The following CRPPA variants were observed in gnomAD, a reference collection of about 807,000 sequenced individuals.
CRPPA encodes CDP-L-ribitol pyrophosphorylase A.
A neutral mutation model predicts 52.0 loss-of-function variants in CRPPA; 43 were observed. The observed-to-expected ratio is 0.83, with a 90% CI of 0.65 to 1.07. The LOEUF (loss-of-function observed/expected upper bound fraction) is 1.07, where lower values mean the gene tolerates loss of function less well. Among genes scored for constraint, CRPPA ranks in the 50% least tolerant of loss-of-function variants. The probability of loss-of-function intolerance (pLI) is 0.00; values close to 1 mark genes in which losing one functional copy is unlikely to be tolerated. For synonymous variants in CRPPA, 250 were observed against 203.5 expected, an observed-to-expected ratio of 1.23 and a Z score of -1.94; for missense variants, 629 against 551.7, an observed-to-expected ratio of 1.14 and a Z score of -1.40.
chr7:16,171,244 T>C (rs1781179287), intron 9 of CRPPA, among the ~76,000 whole-genome samples: 2 of 152,370 alleles, frequency 1.3e-5, no homozygotes, highest in Non-Finnish European at 2.9e-5. Context: ...CAACCTTTTA[T>C]GTAACTCAAC....
intron 9 of CRPPA, among the ~76,000 whole-genome samples, chr7:16,161,199 G>A (rs990100405): frequency 6.6e-6 from 1 of 151,998 alleles, no homozygotes; most frequent in African/African-American, 2.4e-5. Flanking sequence ...TCTTTGCCCT[G>A]GCCAGAACTT....
chr7:16,103,651 T>C (rs766945823), intron 9 of CRPPA, among the ~76,000 whole-genome samples: 2 of 152,138 alleles, frequency 1.3e-5, no homozygotes, highest in Non-Finnish European at 2.9e-5. Flanking sequence ...GATAAATCTA[T>C]ACTAACACAC....
chr7:16,226,442 T>G (rs182416353), intron 8 of CRPPA, among the ~76,000 whole-genome samples: 4 of 150,684 alleles, frequency 2.7e-5, no homozygotes, highest in African/African-American at 7.3e-5. Flanking sequence ...TTGAACAGAT[T>G]TTTTTTTCCA....
intron 2 of CRPPA, among the ~76,000 whole-genome samples, chr7:16,388,876 A>G (rs987019378): frequency 6.6e-6 from 1 of 152,162 alleles, no homozygotes; most frequent in Non-Finnish European, 1.5e-5. Flanking sequence ...ACTCCATCTC[A>G]AACCAACAAA....
chr7:16,294,269 G>A (rs1195349615), intron 5 of CRPPA, among the ~76,000 whole-genome samples: 1 of 151,862 alleles, frequency 6.6e-6, no homozygotes, highest in Admixed American at 6.6e-5. Context: ...AGAGTGAAGT[G>A]TCAGTGGCTG....
At chr7:16,180,237 G>A (rs1781382665) in intron 9 of CRPPA, among the ~76,000 whole-genome samples, 1 of 151,988 alleles carries the variant, frequency 6.6e-6, no homozygotes, top group Admixed American at 6.6e-5. Context: ...TTTGTGGTGG[G>A]ACCCAGGCAT....
chr7:16,399,459 A>T (rs1175324442), intron 2 of CRPPA, among the ~76,000 whole-genome samples: 1 of 152,040 alleles, frequency 6.6e-6, no homozygotes, highest in African/African-American at 2.4e-5. Flanking sequence ...CATGTGACTG[A>T]TACGAGATTG....
chr7:16,289,402 A>G (rs542876389), intron 5 of CRPPA, among the ~76,000 whole-genome samples: 26 of 152,194 alleles, frequency 1.7e-4, no homozygotes, highest in African/African-American at 6.0e-4. Context: ...AATACAACAT[A>G]AAAATAAAGC....
chr7:16,320,349 G>A (rs1034688214), intron 3 of CRPPA, among the ~76,000 whole-genome samples: 2 of 152,054 alleles, frequency 1.3e-5, no homozygotes, highest in Non-Finnish European at 1.5e-5. Flanking sequence ...AAATGAATAT[G>A]ACTCAGAGGG....
At chr7:16,298,560 A>T (rs1370591804) in intron 5 of CRPPA, among the ~76,000 whole-genome samples, 2 of 152,228 alleles carry the variant, frequency 1.3e-5, no homozygotes, top group Non-Finnish European at 1.5e-5. Context: ...GTAAGTGCCC[A>T]ATTAATGCTG....
rs921750871 is a variant in CRPPA, at chr7:16,147,917, C to T, written c.1252-56118G>A. Among the ~76,000 whole-genome samples the T allele has an allele frequency of 3.3e-5, 5 of 152,186 alleles. No homozygotes were observed. The East Asian group carries it at 9.7e-4, about 29-fold the overall frequency. The stretch of plus-strand genomic sequence containing the variant: ...ATACAATGATGATTTGGTTCCTACC[C>T]TCATTCTTACAACTTGTAATATTTC... On this transcript the variant is annotated intron_variant, in intron 9 of 9. Coordinates refer to ENST00000407010, the MANE Select transcript of CRPPA (RefSeq NM_001101426.4).
At chr7:16,342,782 A>AAAAAAAAAAAAAAAT (rs1554335212) in intron 3 of CRPPA, among the ~76,000 whole-genome samples, 3 of 76,538 alleles carry the variant, frequency 3.9e-5, no homozygotes, top group Non-Finnish European at 8.3e-5. Context: ...AAAAAAAAAA[A>AAAAAAAAAAAAAAAT]ATATATATAT....
intron 9 of CRPPA, among the ~76,000 whole-genome samples, chr7:16,167,541 T>C (rs1471348236): frequency 6.6e-6 from 1 of 152,176 alleles, no homozygotes; most frequent in East Asian, 1.9e-4. Context: ...GTCCATTTCT[T>C]ATAAATGTGT....
At chr7:16,133,128 A>G (rs915873744) in intron 9 of CRPPA, among the ~76,000 whole-genome samples, 1 of 122,888 alleles carries the variant, frequency 8.1e-6, no homozygotes, top group Non-Finnish European at 1.8e-5. Context: ...TAGCCTGGAC[A>G]ACATGGTGAA....
intron 2 of CRPPA, among the ~76,000 whole-genome samples, chr7:16,399,382 G>A (rs538462904): frequency 4.0e-5 from 6 of 150,628 alleles, no homozygotes; most frequent in Admixed American, 6.6e-5. Context: ...TTTGTGACAC[G>A]ATTGAAGTGA....
At chr7:16,312,533 T>C (rs1785056766) in intron 3 of CRPPA, among the ~76,000 whole-genome samples, 2 of 151,952 alleles carry the variant, frequency 1.3e-5, no homozygotes, top group African/African-American at 2.4e-5. Flanking sequence ...ATACAGACAA[T>C]CATGTCATCT....
At chr7:16,185,406 G>A (rs1042454799) in intron 9 of CRPPA, among the ~76,000 whole-genome samples, 19 of 152,040 alleles carry the variant, frequency 1.2e-4, no homozygotes, top group African/African-American at 4.6e-4. Context: ...ATGAGATTTG[G>A]GTGGGGGACA....
intron 9 of CRPPA, among the ~76,000 whole-genome samples, chr7:16,119,342 G>A (rs145253036): frequency 1.1e-3 from 169 of 151,518 alleles, no homozygotes; most frequent in African/African-American, 3.9e-3. Flanking sequence ...GGTAGACCAT[G>A]TTCATTTTCA....
chr7:16,165,802 T>C (rs537611513), intron 9 of CRPPA, among the ~76,000 whole-genome samples: 1 of 152,234 alleles, frequency 6.6e-6, no homozygotes, highest in Non-Finnish European at 1.5e-5. Context: ...GTGACATAGC[T>C]TATGTTGGTA....
Sources: allele counts gnomAD v4.1 joint callset (sites outside exome capture counted in the v4.1 genomes callset), GRCh38; gene constraint gnomAD v4.1.1; transcripts MANE v1.5; gene names NCBI Gene and HGNC (gene_info 2026-07-23, HGNC 2026-07-21).